PAPPA2: variants seen among roughly 807,000 people sequenced by gnomAD.
The protein encoded by PAPPA2 is pappalysin 2, also known as pappalysin-2.
Under a neutral mutation model 176.4 loss-of-function variants are expected in PAPPA2, and 86 were observed. That is an observed-to-expected ratio of 0.49 (90% CI 0.41 to 0.58). The LOEUF (loss-of-function observed/expected upper bound fraction) is 0.58, where lower values mean the gene tolerates loss of function less well. PAPPA2 is among the 20% of genes least tolerant of loss of function. PAPPA2 has a pLI of 0.00. For missense variants in PAPPA2, 2,073 were observed against 2,256.9 expected, an observed-to-expected ratio of 0.92 and a Z score of 1.65; for synonymous variants, 809 against 852.2, an observed-to-expected ratio of 0.95 and a Z score of 0.88.
intron 21 of PAPPA2, among the ~76,000 whole-genome samples, chr1:176,828,896 G>A (rs962002413): frequency 3.9e-5 from 6 of 152,024 alleles, no homozygotes; most frequent in African/African-American, 1.4e-4. Context: ...CCAACTACTT[G>A]GGAGGCTGAG....
At chr1:176,568,821 G>C (rs1275880612) in intron 2 of PAPPA2, among the ~76,000 whole-genome samples, 1 of 152,136 alleles carries the variant, frequency 6.6e-6, no homozygotes, top group Non-Finnish European at 1.5e-5. Context: ...CAATAATTCT[G>C]ACTGTCTCTA....
At chr1:176,738,230 A>T (rs558394154) in intron 12 of PAPPA2, among the ~76,000 whole-genome samples, 3 of 152,222 alleles carry the variant, frequency 2.0e-5, no homozygotes, top group African/African-American at 7.2e-5. Context: ...TTATGAAGAA[A>T]CATTTGTTAC....
chr1:176,674,734 G>GTTTTT (rs765026167), intron 4 of PAPPA2, among the ~76,000 whole-genome samples: 85 of 137,276 alleles, frequency 6.2e-4, no homozygotes, highest in African/African-American at 2.1e-3. Context: ...GTGTGCAAGT[G>GTTTTT]TTTTTTTTTT....
chr1:176,580,894 A>AAT (rs1187888793), intron 2 of PAPPA2, among the ~76,000 whole-genome samples: 4 of 152,164 alleles, frequency 2.6e-5, no homozygotes, highest in African/African-American at 9.7e-5. Context: ...CTGTTGGATG[A>AAT]ATAGTTGCAA....
At chr1:176,593,264 A>G (rs1415550373) in intron 2 of PAPPA2, among the ~76,000 whole-genome samples, 1 of 152,246 alleles carries the variant, frequency 6.6e-6, no homozygotes, top group Non-Finnish European at 1.5e-5. Context: ...TTATAAATCT[A>G]GACTGTCTAA....
chr1:176,503,073 T>C (rs1648058735), intron 1 of PAPPA2, among the ~76,000 whole-genome samples: 2 of 152,068 alleles, frequency 1.3e-5, no homozygotes, highest in African/African-American at 4.8e-5. Flanking sequence ...AGGTCTCACT[T>C]TTACACTGGG....
chr1:176,697,775 T>G (rs1660453405), intron 7 of PAPPA2, among the ~76,000 whole-genome samples: 2 of 152,206 alleles, frequency 1.3e-5, no homozygotes, highest in South Asian at 4.1e-4. Context: ...TTATATTCTT[T>G]TATGTATTTA....
At chr1:176,817,704 T>C (rs2102969948) in intron 21 of PAPPA2, among the ~76,000 whole-genome samples, 1 of 149,602 alleles carries the variant, frequency 6.7e-6, no homozygotes, top group East Asian at 2.0e-4. Flanking sequence ...CTTGGGTAGA[T>C]GTTGAATGCC....
rs1164932936 is a variant in PAPPA2, at chr1:176,556,846, C to T, written c.524C>T (p.Ala175Val). ...GSAMAATTTT[A>V]IFTTLNEPKP... ...GCCATGGCTGCCACTACTACCACCGCCATTTTCACAACCCTGAACGAACCC... is the reference window on the plus strand; with the variant it reads ...GCCATGGCTGCCACTACTACCACCGTCATTTTCACAACCCTGAACGAACCC... Residue 175 changes from alanine (A) to valine (V), a missense_variant, in exon 2 of 23, where the codon GCC (alanine) becomes GTC (valine). Physicochemically the swap from Ala to Val is moderately conservative, Grantham distance 64. This residue lies in a region of PAPPA2 where 1,196 missense variants were observed against 1,330.4 expected (regional missense o/e 0.90). Transcript: ENST00000367662. 5 of 1,613,990 alleles carry T rather than the reference C, an allele frequency of 3.1e-6. No individual in the cohort carries two copies. In the South Asian group the frequency reaches 5.5e-5, roughly 18 times the overall value.
At chr1:176,624,897 G>A (rs1344113002) in intron 3 of PAPPA2, among the ~76,000 whole-genome samples, 1 of 152,154 alleles carries the variant, frequency 6.6e-6, no homozygotes, top group African/African-American at 2.4e-5. Context: ...ATCCCCAGGA[G>A]GGCAGGCAGG....
At chr1:176,563,470 G>C (rs1651785433) in intron 2 of PAPPA2, among the ~76,000 whole-genome samples, 1 of 152,064 alleles carries the variant, frequency 6.6e-6, no homozygotes. Flanking sequence ...GCTGAAGCTT[G>C]TTTTTGTAAA....
At chr1:176,585,579 C>A (rs1653256068) in intron 2 of PAPPA2, among the ~76,000 whole-genome samples, 1 of 152,036 alleles carries the variant, frequency 6.6e-6, no homozygotes, top group Non-Finnish European at 1.5e-5. Flanking sequence ...GTTTCCTTCA[C>A]CTTTTCTCTT....
chr1:176,841,666 T>G (rs565626891), intron 22 of PAPPA2, among the ~76,000 whole-genome samples: 1 of 152,226 alleles, frequency 6.6e-6, no homozygotes, highest in South Asian at 2.1e-4. Context: ...AGTGAGTAAC[T>G]TTTTCCGGAC....
intron 3 of PAPPA2, among the ~76,000 whole-genome samples, chr1:176,669,780 C>A (rs1658880856): frequency 6.6e-6 from 1 of 152,034 alleles, no homozygotes; most frequent in South Asian, 2.1e-4. Flanking sequence ...GTGCTTTTTG[C>A]CAGCACATCC....
chr1:176,837,391 C>A (rs949680494), intron 21 of PAPPA2, among the ~76,000 whole-genome samples: 4 of 140,760 alleles, frequency 2.8e-5, no homozygotes, highest in Admixed American at 2.3e-4. Flanking sequence ...AAAGGAGGCA[C>A]ATTTAGCAAA....
intron 1 of PAPPA2, among the ~76,000 whole-genome samples, chr1:176,532,511 C>A (rs1473459050): frequency 6.6e-6 from 1 of 152,182 alleles, no homozygotes; most frequent in South Asian, 2.1e-4. Context: ...GAAAAAGGCA[C>A]CTGCTTAAAC....
At chr1:176,550,238 G>A (rs1033963283) in intron 1 of PAPPA2, among the ~76,000 whole-genome samples, 6 of 152,206 alleles carry the variant, frequency 3.9e-5, no homozygotes, top group African/African-American at 1.4e-4. Flanking sequence ...TGTAAGATGG[G>A]CATTAACACT....
intron 14 of PAPPA2, among the ~76,000 whole-genome samples, chr1:176,741,449 A>G (rs528969652): frequency 5.4e-4 from 83 of 152,298 alleles, no homozygotes; most frequent in African/African-American, 1.9e-3. Context: ...GTGATCCAAG[A>G]CAGAAAGAGA....
intron 1 of PAPPA2, among the ~76,000 whole-genome samples, chr1:176,484,794 A>G (rs1652574552): frequency 6.6e-6 from 1 of 152,222 alleles, no homozygotes; most frequent in Admixed American, 6.5e-5. Context: ...CTTATTAATC[A>G]TAATTGTATT....
Sources: gnomAD v4.1 joint callset for allele counts (sites outside exome capture counted in the v4.1 genomes callset) on GRCh38, gnomAD v4.1.1 for gene constraint, gnomAD v4.1.1 regional missense constraint, MANE v1.5 for transcripts, NCBI Gene and HGNC (gene_info 2026-07-23, HGNC 2026-07-21) for gene names.